The following ADAMTSL1 variants were observed in gnomAD, a reference collection of about 807,000 sequenced individuals.
ADAMTSL1 encodes ADAMTS like 1, also known as ADAMTS-like protein 1.
Under a neutral mutation model 201.8 loss-of-function variants are expected in ADAMTSL1, and 126 were observed. The observed-to-expected ratio is 0.62, with a 90% CI of 0.54 to 0.72. The LOEUF is 0.72. ADAMTSL1 is among the 30% of genes least tolerant of loss of function. The pLI is 0.00. For missense variants in ADAMTSL1, 2,679 were observed against 2,277.8 expected (o/e 1.18, Z -3.59); for synonymous variants, 1,121 against 903.4 (o/e 1.24, Z -4.32).
At chr9:18,075,582 G>T (rs1011699674) in intron 1 of ADAMTSL1, among the ~76,000 whole-genome samples, 1 of 152,152 alleles carries the variant, frequency 6.6e-6, no homozygotes, top group African/African-American at 2.4e-5. Flanking sequence ...TTTAGTTTTG[G>T]CATATACCCT....
intron 2 of ADAMTSL1, among the ~76,000 whole-genome samples, chr9:18,177,373 A>G (rs1205024751): frequency 2.0e-5 from 3 of 152,210 alleles, no homozygotes; most frequent in Non-Finnish European, 4.4e-5. Context: ...CTGGCAATTA[A>G]TAATGCATGA....
At chr9:18,086,056 C>G (rs1823758687) in intron 1 of ADAMTSL1, among the ~76,000 whole-genome samples, 1 of 152,084 alleles carries the variant, frequency 6.6e-6, no homozygotes, top group Non-Finnish European at 1.5e-5. Context: ...CCCTCAGCAG[C>G]TAGCGGGCTG....
intron 2 of ADAMTSL1, among the ~76,000 whole-genome samples, chr9:18,468,453 T>C (rs1386109996): frequency 6.6e-6 from 1 of 152,196 alleles, no homozygotes; most frequent in African/African-American, 2.4e-5. Context: ...GCTACTTCTA[T>C]ACCCACCACC....
chr9:18,574,429 C>T (rs910527822), intron 4 of ADAMTSL1, 163 bp downstream of exon 4: 7 of 746,060 alleles, frequency 9.4e-6, no homozygotes, highest in Non-Finnish European at 1.4e-5. Context: ...GTGAAAAGTA[C>T]CAAGTGTTGT....
intron 2 of ADAMTSL1, among the ~76,000 whole-genome samples, chr9:18,437,157 C>T (rs945654225): frequency 6.6e-6 from 1 of 151,964 alleles, no homozygotes; most frequent in South Asian, 2.1e-4. Flanking sequence ...ACTGAACTCA[C>T]TATCTCCACT....
chr9:18,386,362 G>A (rs752653260), intron 2 of ADAMTSL1, among the ~76,000 whole-genome samples: 1 of 152,146 alleles, frequency 6.6e-6, no homozygotes, highest in Non-Finnish European at 1.5e-5. Flanking sequence ...ATGGTTAGTG[G>A]TGAGGTAATT....
At chr9:17,926,354 C>G (rs978590471) in intron 1 of ADAMTSL1, among the ~76,000 whole-genome samples, 2 of 152,066 alleles carry the variant, frequency 1.3e-5, no homozygotes, top group African/African-American at 4.8e-5. Flanking sequence ...AAATAACCCC[C>G]AAAACACGAT....
At position 18,220,856 on chromosome 9, in the gene ADAMTSL1, C is replaced by T. The variant is rs115765333; in HGVS notation, c.207+56875C>T. 7.5e-3 allele frequency among the ~76,000 whole-genome samples: 1,135 copies of T among 152,050 alleles called. 21 individuals are homozygous for T. The highest frequency in any genetic ancestry group is 0.026 in the African/African-American group (1,085 of 41,450). ...GTGGCATGATCTAGGCTCACTGCAA[C>T]CTCGGCTTCCCAGGCTCAAGTTATC... On this transcript the variant is annotated intron_variant, in intron 2 of 29. Coordinates refer to the ADAMTSL1 transcript ENST00000680146.
intron 3 of ADAMTSL1, among the ~76,000 whole-genome samples, chr9:18,556,783 T>A (rs1349987539): frequency 6.6e-6 from 1 of 152,032 alleles, no homozygotes; most frequent in Non-Finnish European, 1.5e-5. Context: ...TAGACTCATA[T>A]GTTAAGCCAT....
In ADAMTSL1 at chr9:18,829,831, G is replaced by A; in HGVS notation, c.4115-12G>A. The A allele has an allele frequency of 6.2e-7, 1 of 1,613,814 alleles. No homozygotes were observed. Among genetic ancestry groups the A allele is most frequent in the Non-Finnish European group, 8.5e-7 (1 of 1,179,804 alleles). On this transcript the variant is annotated splice_polypyrimidine_tract_variant and intron_variant, in intron 22 of 28. Coordinates refer to ENST00000380548, the MANE Select transcript of ADAMTSL1 (RefSeq NM_001040272.6). ...CTTTAACCTGCCTGATCCACCCTCTGCCTTCTCACAGATCCCCCCCAAGTC... is the reference window on the plus strand; with the variant it reads ...CTTTAACCTGCCTGATCCACCCTCTACCTTCTCACAGATCCCCCCCAAGTC...
At chr9:18,882,378 T>C (rs1471570951) in intron 23 of ADAMTSL1, among the ~76,000 whole-genome samples, 1 of 152,212 alleles carries the variant, frequency 6.6e-6, no homozygotes, top group Non-Finnish European at 1.5e-5. Flanking sequence ...AGACACGCAT[T>C]TGCCTATTTC....
chr9:17,978,447 T>C (rs1298687594), intron 1 of ADAMTSL1, among the ~76,000 whole-genome samples: 1 of 152,094 alleles, frequency 6.6e-6, no homozygotes, highest in Non-Finnish European at 1.5e-5. Context: ...CTCTTTATTT[T>C]GGGGGAATTT....
intron 2 of ADAMTSL1, among the ~76,000 whole-genome samples, chr9:18,329,620 A>C (rs908137896): frequency 6.6e-6 from 1 of 152,222 alleles, no homozygotes; most frequent in Non-Finnish European, 1.5e-5. Flanking sequence ...TCATTCAAAT[A>C]GGCAGTGGCT....
chr9:18,165,728 C>G (rs1327787104), intron 2 of ADAMTSL1, among the ~76,000 whole-genome samples: 1 of 151,924 alleles, frequency 6.6e-6, no homozygotes, highest in East Asian at 1.9e-4. Flanking sequence ...CTACTTCAGT[C>G]TCCCAATAAG....
chr9:18,199,476 A>G (rs1039476879), intron 2 of ADAMTSL1, among the ~76,000 whole-genome samples: 3 of 152,152 alleles, frequency 2.0e-5, no homozygotes, highest in Admixed American at 6.6e-5. Context: ...CATTTTCACA[A>G]GTAATATAGG....
At chr9:18,830,001 TG>T (rs1353190035) in intron 23 of ADAMTSL1, 24 bp downstream of exon 23, 2 of 1,588,624 alleles carry the variant, frequency 1.3e-6, no homozygotes, top group South Asian at 2.3e-5. Flanking sequence ...TCGGAAACAT[TG>T]GGCAGAAAGC....
chr9:18,135,123 A>G (rs1223991280), intron 1 of ADAMTSL1, among the ~76,000 whole-genome samples: 1 of 152,142 alleles, frequency 6.6e-6, no homozygotes, highest in Non-Finnish European at 1.5e-5. Context: ...ATATTTCAGT[A>G]TTTGTAATTA....
chr9:18,666,559 T>C (rs1445962505), intron 9 of ADAMTSL1, among the ~76,000 whole-genome samples: 1 of 152,186 alleles, frequency 6.6e-6, no homozygotes, highest in Admixed American at 6.5e-5. Flanking sequence ...CTTTCCCATG[T>C]GACTAAGACA....
chr9:18,397,017 A>G (rs1817780485), intron 2 of ADAMTSL1, among the ~76,000 whole-genome samples: 1 of 145,674 alleles, frequency 6.9e-6, no homozygotes, highest in Non-Finnish European at 1.5e-5. Flanking sequence ...ATCCCTGATG[A>G]TGATTTTTAT....
Sources: gnomAD v4.1 joint callset for allele counts (sites outside exome capture counted in the v4.1 genomes callset) on GRCh38, gnomAD v4.1.1 for gene constraint, MANE v1.5 for transcripts, NCBI Gene and HGNC (gene_info 2026-07-23, HGNC 2026-07-21) for gene names.